Variants in MACROD2 observed in about 807,000 individuals in gnomAD.
MACROD2 encodes ADP-ribose glycohydrolase MACROD2.
A neutral mutation model predicts 70.4 loss-of-function variants in MACROD2; 36 were observed. The observed-to-expected ratio is 0.51, with a 90% CI of 0.39 to 0.68. The LOEUF (loss-of-function observed/expected upper bound fraction) is 0.68, where lower values mean the gene tolerates loss of function less well. MACROD2 is among the 30% of genes least tolerant of loss of function. MACROD2 has a pLI of 0.00. For synonymous variants in MACROD2, 172 were observed against 178.8 expected, an observed-to-expected ratio of 0.96 and a Z score of 0.30; for missense variants, 496 against 538.4, an observed-to-expected ratio of 0.92 and a Z score of 0.78.
At chr20:14,028,448 G>A (rs560832923) in intron 2 of MACROD2, among the ~76,000 whole-genome samples, 18 of 152,204 alleles carry the variant, frequency 1.2e-4, no homozygotes, top group East Asian at 1.9e-4. Context: ...TCTTGCTGGC[G>A]TTCCAGGCGC....
rs373757761 is a variant in MACROD2 at position 15,483,826 on chromosome 20, A to G, written c.572-15948A>G. The stretch of plus-strand genomic sequence containing the variant: ...AGTATTTCATTTTCAGGTAGCTAAT[A>G]TAGACGGTATTTTGTTTTTAATTTC... On this transcript the variant is annotated intron_variant, in intron 7 of 17. Coordinates refer to ENST00000684519, the MANE Select transcript of MACROD2 (RefSeq NM_001351661.2). 1.3e-4 allele frequency among the ~76,000 whole-genome samples: 20 copies of G among 152,164 alleles called. No individual in the cohort carries two copies. In the East Asian group the frequency reaches 1.4e-3, roughly 10 times the overall value.
At chr20:16,026,523 C>T (rs1307104199) in intron 15 of MACROD2, among the ~76,000 whole-genome samples, 1 of 152,174 alleles carries the variant, frequency 6.6e-6, no homozygotes, top group African/African-American at 2.4e-5. Context: ...TTTCAAATTC[C>T]AGCCCCATTT....
intron 5 of MACROD2, among the ~76,000 whole-genome samples, chr20:14,793,264 C>T (rs966995329): frequency 2.0e-5 from 3 of 151,840 alleles, no homozygotes; most frequent in Admixed American, 6.6e-5. Context: ...ATATAGTATT[C>T]AATAAAAGCA....
chr20:14,734,352 T>A (rs563607093), intron 5 of MACROD2, among the ~76,000 whole-genome samples: 3 of 151,640 alleles, frequency 2.0e-5, no homozygotes, highest in South Asian at 2.1e-4. Context: ...CGAAAAAAAA[T>A]TAGCCACGTG....
At chr20:14,209,739 T>TG (rs1329562177) in intron 3 of MACROD2, among the ~76,000 whole-genome samples, 1 of 152,038 alleles carries the variant, frequency 6.6e-6, no homozygotes, top group African/African-American at 2.4e-5. Context: ...GGAATGAGCA[T>TG]GGGGGGTTTT....
intron 5 of MACROD2, among the ~76,000 whole-genome samples, chr20:14,965,579 GC>G (rs2074628272): frequency 7.1e-6 from 1 of 141,478 alleles, no homozygotes; most frequent in African/African-American, 2.6e-5. Flanking sequence ...TCCTGACTCA[GC>G]CTCCCTAGTA....
intron 3 of MACROD2, among the ~76,000 whole-genome samples, chr20:14,342,463 A>G (rs2083023198): frequency 6.6e-6 from 1 of 152,190 alleles, no homozygotes; most frequent in East Asian, 1.9e-4. Flanking sequence ...ACAGGTAGTG[A>G]TGCATGTCAG....
intron 5 of MACROD2, among the ~76,000 whole-genome samples, chr20:14,766,431 A>C (rs2072090579): frequency 6.6e-6 from 1 of 152,124 alleles, no homozygotes; most frequent in East Asian, 1.9e-4. Flanking sequence ...TTGGTGGTAA[A>C]AGGCAATTTT....
At position 14,856,461 on chromosome 20, in the gene MACROD2, A is replaced by G. The variant is rs137887985; in HGVS notation, c.418+171502A>G. ...AACTATGCATACACAAACACGCCCT[A>G]TTGAATTTGTGTCCACAATAAAAAT... On this transcript the variant is annotated intron_variant, in intron 5 of 17. Transcript: ENST00000684519. 4.5e-3 allele frequency among the ~76,000 whole-genome samples: 680 copies of G among 152,314 alleles called. 8 individuals carry two copies. The highest frequency in any genetic ancestry group is 0.015 in the African/African-American group (640 of 41,584).
intron 15 of MACROD2, among the ~76,000 whole-genome samples, chr20:16,023,530 G>T (rs2067034040): frequency 6.7e-6 from 1 of 148,280 alleles, no homozygotes; most frequent in African/African-American, 2.5e-5. Context: ...TCTAAAAGCA[G>T]ATCTATAGGC....
chr20:15,376,969 C>A (rs1202122654), intron 6 of MACROD2, among the ~76,000 whole-genome samples: 2 of 152,132 alleles, frequency 1.3e-5, no homozygotes, highest in African/African-American at 4.8e-5. Flanking sequence ...TGGCTCACTG[C>A]AAGCTCCGCC....
chr20:15,549,508 G>A (rs575293943), intron 8 of MACROD2, among the ~76,000 whole-genome samples: 1 of 152,296 alleles, frequency 6.6e-6, no homozygotes, highest in Non-Finnish European at 1.5e-5. Flanking sequence ...TATACCAAAT[G>A]TATACATCTC....
chr20:14,046,901 A>T (rs2148644800), intron 2 of MACROD2, among the ~76,000 whole-genome samples: 2 of 152,206 alleles, frequency 1.3e-5, no homozygotes, highest in Non-Finnish European at 2.9e-5. Flanking sequence ...AAAAACTTGA[A>T]GTCATCTTAA....
intron 6 of MACROD2, among the ~76,000 whole-genome samples, chr20:15,325,103 C>T (rs1359887429): frequency 6.6e-6 from 1 of 151,380 alleles, no homozygotes; most frequent in African/African-American, 2.4e-5. Flanking sequence ...CTAACTGTAT[C>T]CTCACCACCT....
chr20:14,574,592 G>A (rs1980446842), intron 4 of MACROD2, among the ~76,000 whole-genome samples: 1 of 151,738 alleles, frequency 6.6e-6, no homozygotes, highest in Non-Finnish European at 1.5e-5. Context: ...ACACAAAACT[G>A]TTTTCTCAGT....
At chr20:14,044,992 C>G (rs576423358) in intron 2 of MACROD2, among the ~76,000 whole-genome samples, 2 of 152,234 alleles carry the variant, frequency 1.3e-5, no homozygotes, top group Non-Finnish European at 2.9e-5. Context: ...AGCTAAGGCC[C>G]GGCGAGAAAT....
intron 6 of MACROD2, among the ~76,000 whole-genome samples, chr20:15,241,894 A>G (rs1025368850): frequency 6.6e-6 from 1 of 152,168 alleles, no homozygotes; most frequent in Non-Finnish European, 1.5e-5. Context: ...GGAATAGGTG[A>G]CATGTTCTGT....
At chr20:14,373,806 C>T (rs929017345) in intron 3 of MACROD2, among the ~76,000 whole-genome samples, 4 of 152,076 alleles carry the variant, frequency 2.6e-5, no homozygotes, top group African/African-American at 9.6e-5. Flanking sequence ...CACAGTTACG[C>T]GGTGTTACAC....
At chr20:15,501,719 C>G (rs77881523) in intron 8 of MACROD2, among the ~76,000 whole-genome samples, 3,916 of 152,200 alleles carry the variant, frequency 0.026, 166 homozygotes, top group African/African-American at 0.089. Flanking sequence ...AAAAAGACCC[C>G]TAGTTTCAAT....
Sources: allele counts gnomAD v4.1 joint callset (sites outside exome capture counted in the v4.1 genomes callset), GRCh38; gene constraint gnomAD v4.1.1; transcripts MANE v1.5; gene names NCBI Gene and HGNC (gene_info 2026-07-23, HGNC 2026-07-21).